UGGT1: variants seen among roughly 807,000 people sequenced by gnomAD.
The protein encoded by UGGT1 is UDP-glucose:glycoprotein glucosyltransferase 1.
UGGT1 carries 107 observed loss-of-function variants against 203.9 expected under a neutral mutation model. The ratio of observed to expected loss-of-function variants is 0.52; its 90% CI spans 0.45 to 0.62. The LOEUF is 0.62. UGGT1 is among the 20% of genes least tolerant of loss of function. The pLI, the probability that UGGT1 is intolerant of heterozygous loss-of-function variation, is 0.00. For missense variants in UGGT1, 1,673 were observed against 1,867.2 expected (o/e 0.90, Z 1.92); for synonymous variants, 628 against 653.5 (o/e 0.96, Z 0.59).
chr2:128,177,667 T>C (rs930701059), intron 32 of UGGT1, among the ~76,000 whole-genome samples, 165 bp from the exon 33 acceptor site: 20 of 152,250 alleles, frequency 1.3e-4, no homozygotes, highest in Non-Finnish European at 2.4e-4. Flanking sequence ...CTGGCGAAGA[T>C]ACTTCTATTG....
At chr2:128,094,596 G>C (rs1687020813) in intron 1 of UGGT1, among the ~76,000 whole-genome samples, 1 of 152,080 alleles carries the variant, frequency 6.6e-6, no homozygotes. Flanking sequence ...GCAAACTCAG[G>C]AATTGATCAC....
At chr2:128,095,529 T>G (rs1213282629) in intron 1 of UGGT1, among the ~76,000 whole-genome samples, 1 of 150,788 alleles carries the variant, frequency 6.6e-6, no homozygotes, top group African/African-American at 2.4e-5. Flanking sequence ...TCTCCTCCTG[T>G]CCCGTAACTC....
At chr2:128,132,317 G>T (rs952992559) in intron 13 of UGGT1, among the ~76,000 whole-genome samples, 4 of 151,982 alleles carry the variant, frequency 2.6e-5, no homozygotes, top group African/African-American at 9.7e-5. Context: ...GGAGGCCGAG[G>T]TGGGCGGATC....
intron 3 of UGGT1, among the ~76,000 whole-genome samples, chr2:128,105,011 G>GTTGTTT (rs1159124597): frequency 1.3e-5 from 2 of 150,326 alleles, no homozygotes; most frequent in Non-Finnish European, 3.0e-5. Context: ...ATGTTAATGG[G>GTTGTTT]TTGTTTTTTT....
chr2:128,163,093 C>T (rs1690606889), intron 25 of UGGT1, among the ~76,000 whole-genome samples: 1 of 152,192 alleles, frequency 6.6e-6, no homozygotes, highest in Non-Finnish European at 1.5e-5. Flanking sequence ...TGTTCTTCAT[C>T]AGCCTTCAGG....
Position 128,103,130 on chromosome 2 carries a change from G to A in UGGT1, c.195-802G>A, listed in dbSNP as rs772046966. On this transcript the variant is annotated intron_variant, in intron 2 of 40. Coordinates refer to ENST00000259253, the MANE Select transcript of UGGT1 (RefSeq NM_020120.4). Reference sequence around the variant, plus strand: ...CCCAGTGTTCACAAGTAATGGGAAAGTCTTCCTTTGGCTAGGTAAGCTGAG... The same window carrying A: ...CCCAGTGTTCACAAGTAATGGGAAAATCTTCCTTTGGCTAGGTAAGCTGAG... The A allele has an allele frequency of 9.3e-5, 44 of 470,798 alleles. 2 individuals are homozygous for A. The highest frequency in any genetic ancestry group is 6.8e-4 in the South Asian group (44 of 64,506). The allele number at this position is 470,798 out of a possible 1,614,324, so 29.2% of individuals were successfully genotyped here.
At chr2:128,147,781 T>C (rs867384584) in intron 18 of UGGT1, among the ~76,000 whole-genome samples, 1 of 152,200 alleles carries the variant, frequency 6.6e-6, no homozygotes, top group South Asian at 2.1e-4. Context: ...TGGCTAATTT[T>C]TGTATCTTTT....
chr2:128,144,622 G>C (rs966271799), intron 17 of UGGT1, among the ~76,000 whole-genome samples: 1 of 152,198 alleles, frequency 6.6e-6, no homozygotes, highest in Non-Finnish European at 1.5e-5. Flanking sequence ...AGTTTTAGGA[G>C]TGTATATTTA....
chr2:128,114,304 G>T (rs1473831869), intron 6 of UGGT1, among the ~76,000 whole-genome samples: 1 of 152,038 alleles, frequency 6.6e-6, no homozygotes, highest in African/African-American at 2.4e-5. Flanking sequence ...TTTTAGTAGA[G>T]AGGGGGTTTC....
chr2:128,190,187 C>T lies in UGGT1; in HGVS notation c.*445C>T, dbSNP rs564076858. On this transcript the variant is annotated 3_prime_UTR_variant, in exon 41 of 41. Coordinates refer to ENST00000259253, the MANE Select transcript of UGGT1 (RefSeq NM_020120.4). ...CCCACCCTGCCCTGGGTCTGGCCGG[C>T]GGAAGCTCTGTCCAAGGTCCACACA... The T allele has an allele frequency of 4.1e-4, 65 of 158,902 alleles. No individual in the cohort carries two copies. The highest frequency in any genetic ancestry group is 1.3e-3 in the African/African-American group (54 of 41,764). The allele number at this position is 158,902 out of a possible 1,614,324, so 9.8% of individuals were successfully genotyped here.
chr2:128,176,848 G>A lies in UGGT1; in HGVS notation c.3574G>A (p.Glu1192Lys), dbSNP rs779355045. 6.2e-7 allele frequency: 1 copy of A among 1,614,168 alleles called. No individual in the cohort carries two copies. Residue 1192 changes from glutamate to lysine, a missense_variant, in exon 32 of 41, where the codon GAG (glutamate) becomes AAG (lysine). Glu to Lys is a moderately conservative substitution (Grantham distance 56). This residue lies in a region of UGGT1 where 513 missense variants were observed against 684.1 expected (regional missense o/e 0.75). Coordinates refer to ENST00000259253, the MANE Select transcript of UGGT1 (RefSeq NM_020120.4). ...DGTDSPPDAD[E>K]VVIVLNNFKS... ...CACTGATTCTCCCCCTGATGCTGAT[G>A]AGGTGGTTATCGTCCTCAACAACTT...
At position 128,177,918 on chromosome 2, in the gene UGGT1, A is replaced by G. The variant is rs761979786; in HGVS notation, c.3711A>G (p.Lys1237=). The part of the protein sequence containing the change: ...ENESGFWDSF[K]WGFTGQKTEE... ...AATCTGGATTTTGGGATTCCTTCAA[A>G]TGGTAAGTTGACATTGTAAGAGTTA... is the stretch of plus-strand genomic sequence containing the variant. The change falls in exon 33 of 41, where the codon AAA becomes AAG. Residue 1237 remains lysine (K), a splice_region_variant and synonymous_variant. Coordinates refer to ENST00000259253, the MANE Select transcript of UGGT1 (RefSeq NM_020120.4). 1.1e-5 allele frequency: 18 copies of G among 1,596,876 alleles called. No individual in the cohort carries two copies. In the East Asian group the frequency reaches 3.2e-4, roughly 28 times the overall value.
Position 128,091,235 on chromosome 2 carries a change from T to G in UGGT1, c.-123T>G. On this transcript the variant is annotated 5_prime_UTR_variant, in exon 1 of 41. Coordinates refer to ENST00000259253, the MANE Select transcript of UGGT1 (RefSeq NM_020120.4). The stretch of plus-strand genomic sequence containing the variant: ...TTGCTTTGCGAGGCTGGGTGTTGAG[T>G]CGAGCCGCGGGAAAGGCGCGTGTCG... 2.7e-6 allele frequency: 3 copies of G among 1,126,760 alleles called. No individual in the cohort carries two copies. The highest frequency in any genetic ancestry group is 3.6e-6 in the Non-Finnish European group (3 of 826,334). The allele number at this position is 1,126,760 out of a possible 1,614,324, so 69.8% of individuals were successfully genotyped here. A position where few individuals can be genotyped will look rare whatever the true frequency, so the allele number is the denominator to read the frequency against.
intron 8 of UGGT1, 120 bp from the exon 9 acceptor site, chr2:128,120,236 G>A: frequency 1.2e-6 from 1 of 809,812 alleles, no homozygotes; most frequent in South Asian, 1.7e-5. Flanking sequence ...TTCCCCCTAT[G>A]TCGTAGAAAA....
At chr2:128,187,293 A>C in intron 39 of UGGT1, 156 bp from the exon 40 acceptor site, 7 of 714,880 alleles carry the variant, frequency 9.8e-6, no homozygotes, top group Non-Finnish European at 1.5e-5. Flanking sequence ...ATACAGCTTT[A>C]CATAGCCCAC....
chr2:128,162,031 G>A (rs370531983), intron 25 of UGGT1, among the ~76,000 whole-genome samples: 4 of 152,024 alleles, frequency 2.6e-5, no homozygotes, highest in African/African-American at 9.7e-5. Flanking sequence ...TTTCTGGGGG[G>A]TTTTTTGTTT....
At chr2:128,121,437 C>G in intron 10 of UGGT1, 139 bp downstream of exon 10, 1 of 580,124 alleles carries the variant, frequency 1.7e-6, no homozygotes, top group South Asian at 2.3e-5. Flanking sequence ...TGGAGTCTCA[C>G]TCTTGTTGCC....
chr2:128,116,945 A>G (rs904036669), intron 8 of UGGT1, among the ~76,000 whole-genome samples: 3 of 152,222 alleles, frequency 2.0e-5, no homozygotes, highest in Non-Finnish European at 2.9e-5. Flanking sequence ...TAAGAGGAGA[A>G]ATTGAATTGT....
At chr2:128,137,177 G>A (rs1326604805) in intron 15 of UGGT1, among the ~76,000 whole-genome samples, 2 of 152,218 alleles carry the variant, frequency 1.3e-5, no homozygotes, top group Non-Finnish European at 2.9e-5. Context: ...AGGACTTTGG[G>A]AGGCCAAGGT....
Sources: allele counts gnomAD v4.1 joint callset (sites outside exome capture counted in the v4.1 genomes callset), GRCh38; gene constraint gnomAD v4.1.1; regional missense constraint gnomAD v4.1.1; transcripts MANE v1.5; gene names NCBI Gene and HGNC (gene_info 2026-07-23, HGNC 2026-07-21).